The following ANK1 variants were observed in gnomAD, a reference collection of about 807,000 sequenced individuals.
ANK1 encodes the protein ankyrin-1.
Under a neutral mutation model 210.4 loss-of-function variants are expected in ANK1, and 51 were observed. The observed-to-expected ratio is 0.24, with a 90% CI of 0.19 to 0.31. The LOEUF (loss-of-function observed/expected upper bound fraction) is 0.31, where lower values mean the gene tolerates loss of function less well. Ranked by LOEUF, ANK1 falls within the 10% of genes least tolerant of loss-of-function variation. The pLI is 1.00. For synonymous variants in ANK1, 967 were observed against 1,025.9 expected, an observed-to-expected ratio of 0.94 and a Z score of 1.10; for missense variants, 2,051 against 2,504.4, an observed-to-expected ratio of 0.82 and a Z score of 3.86.
chr8:41,696,657 C>T lies in ANK1; in HGVS notation c.2735+19G>A, dbSNP rs774316017. ...GGAGATGGAGACAGGAGTCCCCGAG[C>T]CCTGCGCCCGCCACTCACCCTGTAT... On this transcript the variant is annotated intron_variant, in intron 25 of 42. Coordinates refer to ENST00000289734, the MANE Select transcript of ANK1 (RefSeq NM_000037.4). 1 of 1,605,494 alleles carries T rather than the reference C, an allele frequency of 6.2e-7. No homozygotes were observed. The highest frequency in any genetic ancestry group is 1.1e-5 in the South Asian group (1 of 91,046).
chr8:41,699,399 C>A, intron 23 of ANK1, 53 bp downstream of exon 23: 1 of 1,534,166 alleles, frequency 6.5e-7, no homozygotes, highest in African/African-American at 1.4e-5. Context: ...CTGCTCTGAG[C>A]CACAGGGTTG....
At chr8:41,891,045 A>G (rs1414683727) in intron 1 of ANK1, among the ~76,000 whole-genome samples, 1 of 152,210 alleles carries the variant, frequency 6.6e-6, no homozygotes, top group East Asian at 1.9e-4. Flanking sequence ...AGGTGCAGAG[A>G]GAGCAATGGG....
Position 41,694,565 on chromosome 8 carries a change from G to C in ANK1, c.3327+27C>G. The C allele has an allele frequency of 6.2e-7, 1 of 1,606,396 alleles. No individual in the cohort carries two copies. The highest frequency in any genetic ancestry group is 8.5e-7 in the Non-Finnish European group (1 of 1,176,488). ...AGGCCTGGAGTTCAGTCCACCCCCAGGACCTGGCGGGGAGGAGGGCTGTCA... is the reference window on the plus strand; with the variant it reads ...AGGCCTGGAGTTCAGTCCACCCCCACGACCTGGCGGGGAGGAGGGCTGTCA... On this transcript the variant is annotated intron_variant, in intron 28 of 42. Transcript: ENST00000289734. The surrounding 1 kb of genome is among the most constrained non-coding windows in gnomAD (Gnocchi z 5.7).
At position 41,718,263 on chromosome 8, in the gene ANK1, G is replaced by A. The variant is rs146672192; in HGVS notation, c.1108-59C>T. ...GAGCTTACACACGGGCCCAAGGAAC[G>A]CCCAGAAGACCACCTGGCTGCTCTA... On this transcript the variant is annotated intron_variant, in intron 10 of 42. Coordinates refer to ENST00000289734, the MANE Select transcript of ANK1 (RefSeq NM_000037.4). The A allele has an allele frequency of 2.1e-4, 323 of 1,555,012 alleles. No individual in the cohort carries two copies. The African/African-American group carries it at 2.3e-3, about 11-fold the overall frequency.
chr8:41,762,506 A>C (rs1046732095), intron 1 of ANK1, among the ~76,000 whole-genome samples: 10 of 152,176 alleles, frequency 6.6e-5, no homozygotes, highest in Admixed American at 4.6e-4. Context: ...CAAAGCATTA[A>C]GTGTCTGCTA....
At chr8:41,821,779 G>A (rs1804296833) in intron 1 of ANK1, among the ~76,000 whole-genome samples, 1 of 152,150 alleles carries the variant, frequency 6.6e-6, no homozygotes, top group South Asian at 2.1e-4. Flanking sequence ...CAGGCGCGGT[G>A]GCTTATGCCT....
intron 1 of ANK1, among the ~76,000 whole-genome samples, chr8:41,784,977 A>G (rs1846054629): frequency 6.6e-6 from 1 of 152,236 alleles, no homozygotes; most frequent in Non-Finnish European, 1.5e-5. Context: ...GAAATGCTGC[A>G]CAGGACCTGG....
Position 41,702,137 on chromosome 8 carries a change from G to T in ANK1, c.2303C>A (p.Thr768Asn). 6 of 1,614,096 alleles carry T rather than the reference G, an allele frequency of 3.7e-6. No individual in the cohort carries two copies. Among genetic ancestry groups the T allele is most frequent in the Non-Finnish European group, 5.1e-6 (6 of 1,179,984 alleles). The change falls in exon 21 of 43, where the codon ACC becomes AAC. Residue 768 changes from threonine (T) to asparagine (N), a missense_variant. By Grantham distance (65) the Thr-to-Asn change is moderately conservative. Coordinates refer to ENST00000289734, the MANE Select transcript of ANK1 (RefSeq NM_000037.4). ...GCGCTTGGCTATGGCCAGAGGTGTG[G>T]TTCCATCCTGGGGAAAGAGCAGCCC... ...ASPNEVSSDG[T>N]TPLAIAKRLG...
At chr8:41,896,508 C>T in exon 1 of ANK1, 1 of 1,576,404 alleles carries the variant, frequency 6.3e-7, no homozygotes, top group Non-Finnish European at 8.6e-7. Context: ...CCGTCCCCGC[C>T]TCCTGGACCC....
chr8:41,659,398 G>A (rs2150534877), intron 42 of ANK1, among the ~76,000 whole-genome samples: 1 of 152,336 alleles, frequency 6.6e-6, no homozygotes, highest in East Asian at 1.9e-4. Context: ...CAAACTTTCT[G>A]CCCTTGTGTG....
At chr8:41,702,411 G>C (rs1220437934) in intron 20 of ANK1, among the ~76,000 whole-genome samples, 1 of 152,134 alleles carries the variant, frequency 6.6e-6, no homozygotes, top group African/African-American at 2.4e-5. Context: ...TTGCAACCCA[G>C]CAGAGGAAAT....
At chr8:41,703,450 A>ATATATTT (rs59985416) in intron 20 of ANK1, among the ~76,000 whole-genome samples, 24 of 58,820 alleles carry the variant, frequency 4.1e-4, no homozygotes, top group South Asian at 1.9e-3. Flanking sequence ...ATATATATAT[A>ATATATTT]TTTTTTTTTT....
chr8:41,842,255 G>C (rs1809068388), intron 1 of ANK1, among the ~76,000 whole-genome samples: 1 of 152,216 alleles, frequency 6.6e-6, no homozygotes, highest in South Asian at 2.1e-4. Flanking sequence ...CACTTTGGGA[G>C]GCCAAGGTGG....
chr8:41,684,554 G>A lies in ANK1; in HGVS notation c.4527C>T (p.Ser1509=), dbSNP rs752538994. ...CCAGGTGACACTCACCATTCATCTG[G>A]GAGGGTGACAGCGAGTAGTCGCGGT... is the stretch of plus-strand genomic sequence containing the variant. The part of the protein sequence containing the change: ...HTDRDYSLSP[S]QMNGYSSLQD... Residue 1509 remains serine, a synonymous_variant, in exon 37 of 43, where the codon TCC becomes TCT. Coordinates refer to ENST00000289734, the MANE Select transcript of ANK1 (RefSeq NM_000037.4). 1.2e-6 allele frequency: 2 copies of A among 1,613,674 alleles called. No individual in the cohort carries two copies. The highest frequency in any genetic ancestry group is 1.7e-5 in the Admixed American group (1 of 60,012).
intron 1 of ANK1, among the ~76,000 whole-genome samples, chr8:41,773,387 C>T (rs558843725): frequency 1.3e-5 from 2 of 152,246 alleles, no homozygotes; most frequent in African/African-American, 2.4e-5. Flanking sequence ...AACATTAAAC[C>T]CGAGATCCCT....
intron 24 of ANK1, 185 bp downstream of exon 24, chr8:41,697,858 G>A (rs373973816): frequency 7.3e-6 from 5 of 689,204 alleles, no homozygotes; most frequent in East Asian, 5.5e-5. Flanking sequence ...TCCAGACGCC[G>A]CCCACCCAGC....
intron 1 of ANK1, among the ~76,000 whole-genome samples, chr8:41,814,701 T>A (rs1016259999): frequency 6.1e-5 from 9 of 148,414 alleles, no homozygotes; most frequent in Admixed American, 2.0e-4. Flanking sequence ...ATTTTTATTT[T>A]TTTATTTTTT....
intron 7 of ANK1, among the ~76,000 whole-genome samples, chr8:41,724,231 C>T: frequency 6.6e-6 from 1 of 152,180 alleles, no homozygotes; most frequent in East Asian, 1.9e-4. Context: ...CCAGGTTTCC[C>T]ATTTTTAGGA....
chr8:41,716,229 C>T (rs556464303), intron 13 of ANK1, among the ~76,000 whole-genome samples: 3 of 152,182 alleles, frequency 2.0e-5, no homozygotes, highest in African/African-American at 7.2e-5. Flanking sequence ...GCTGCTCATC[C>T]GTCTCCCACA....
Sources: allele counts gnomAD v4.1 joint callset (sites outside exome capture counted in the v4.1 genomes callset), GRCh38; gene constraint gnomAD v4.1.1; non-coding constraint Gnocchi (gnomAD v3.1); transcripts MANE v1.5; gene names NCBI Gene and HGNC (gene_info 2026-07-23, HGNC 2026-07-21).